The following GRIP1 variants were observed in gnomAD, a reference collection of about 807,000 sequenced individuals.
The protein encoded by GRIP1 is glutamate receptor interacting protein 1, also known as glutamate receptor-interacting protein 1.
A neutral mutation model predicts 129.9 loss-of-function variants in GRIP1; 45 were observed. The observed-to-expected ratio is 0.35, with a 90% CI of 0.27 to 0.44. The LOEUF is 0.44. Among genes scored for constraint, GRIP1 ranks in the 20% least tolerant of loss-of-function variants. The pLI is 1.00. For missense variants in GRIP1, 1,196 were observed against 1,396.8 expected (o/e 0.86, Z 2.29); for synonymous variants, 530 against 520.8 (o/e 1.02, Z -0.24).
At chr12:66,805,941 T>C (rs2038981270), upstream of GRIP1, among the ~76,000 whole-genome samples, 1 of 150,590 alleles carries the variant, frequency 6.6e-6, no homozygotes, top group African/African-American at 2.4e-5. Context: ...ATCTTTAAAT[T>C]AAAAAAATCA....
intron 13 of GRIP1, among the ~76,000 whole-genome samples, chr12:66,443,289 C>T (rs1375558381): frequency 1.3e-5 from 2 of 152,198 alleles, no homozygotes; most frequent in Admixed American, 6.5e-5. Flanking sequence ...TTGCCCCCCA[C>T]CTTTGATATT....
At chr12:66,792,607 T>C (rs1044686783) in intron 1 of GRIP1, among the ~76,000 whole-genome samples, 4 of 152,164 alleles carry the variant, frequency 2.6e-5, no homozygotes, top group East Asian at 1.9e-4. Flanking sequence ...GCCCAGGCTA[T>C]ATGGGACTAT....
chr12:66,463,087 G>A lies in GRIP1; in HGVS notation c.879C>T (p.Gly293=), dbSNP rs746461059. The A allele has an allele frequency of 2.5e-5, 40 of 1,613,368 alleles. No homozygotes were observed. Among genetic ancestry groups the A allele is most frequent in the Middle Eastern group, 1.6e-4 (1 of 6,082 alleles). ...IKSASIADRC[G]ALHVGDHILS... ...GGATGTGATCTCCCACATGCAATGC[G>A]CCACATCTACGGAAAGGAGAAATAC... Residue 293 remains glycine, a synonymous_variant, in exon 9 of 25, where the codon GGC becomes GGT. Transcript: ENST00000359742.
intron 2 of GRIP1, among the ~76,000 whole-genome samples, chr12:66,566,330 G>GA (rs1223332205): frequency 6.6e-6 from 1 of 152,050 alleles, no homozygotes; most frequent in Non-Finnish European, 1.5e-5. Context: ...TTAGCATGAA[G>GA]GTTGTTGAAT....
chr12:66,932,586 A>C (rs1566084012), intron 1 of GRIP1, among the ~76,000 whole-genome samples: 1 of 151,788 alleles, frequency 6.6e-6, no homozygotes, highest in East Asian at 1.9e-4. Context: ...AGTGAGCAGA[A>C]GGATAGGATT....
intron 1 of GRIP1, among the ~76,000 whole-genome samples, chr12:67,055,817 A>G (rs1244178259): frequency 6.6e-6 from 1 of 152,212 alleles, no homozygotes; most frequent in East Asian, 1.9e-4. Flanking sequence ...ACTGGGCCAC[A>G]CTTTGAGGAC....
intron 1 of GRIP1, among the ~76,000 whole-genome samples, chr12:66,912,276 A>G (rs1379029831): frequency 1.3e-5 from 2 of 152,170 alleles, no homozygotes; most frequent in African/African-American, 4.8e-5. Flanking sequence ...TCTATGAAAA[A>G]ATGTATCCAT....
chr12:67,034,729 G>A (rs961069204), intron 1 of GRIP1, among the ~76,000 whole-genome samples: 3 of 152,242 alleles, frequency 2.0e-5, no homozygotes, highest in East Asian at 1.9e-4. Flanking sequence ...CAACAAACAC[G>A]AGTAACCCAC....
chr12:66,351,689 C>T (rs1024946431), intron 24 of GRIP1, among the ~76,000 whole-genome samples: 12 of 151,046 alleles, frequency 7.9e-5, no homozygotes, highest in African/African-American at 2.7e-4. Flanking sequence ...AGCTGCTGTT[C>T]GATATAGGAG....
At chr12:67,058,435 T>A (rs953676837) in intron 1 of GRIP1, among the ~76,000 whole-genome samples, 2 of 152,206 alleles carry the variant, frequency 1.3e-5, no homozygotes, top group Admixed American at 6.5e-5. Context: ...ACAAGAAGTC[T>A]TGAGTACATG....
At chr12:66,825,557 T>C (rs201624117) in intron 1 of GRIP1, among the ~76,000 whole-genome samples, 1 of 152,148 alleles carries the variant, frequency 6.6e-6, no homozygotes, top group East Asian at 1.9e-4. Context: ...GCAAGGCACT[T>C]AACCTGTTTA....
chr12:66,617,405 A>G (rs2065089891), intron 1 of GRIP1, among the ~76,000 whole-genome samples: 1 of 151,904 alleles, frequency 6.6e-6, no homozygotes. Flanking sequence ...TACAAGAATG[A>G]TGTTTAATCA....
upstream of GRIP1, among the ~76,000 whole-genome samples, chr12:66,679,788 T>A (rs1438368791): frequency 6.6e-6 from 1 of 152,216 alleles, no homozygotes; most frequent in Non-Finnish European, 1.5e-5. Context: ...TACTTTATTA[T>A]ACTATTTCCC....
intron 1 of GRIP1, among the ~76,000 whole-genome samples, chr12:66,724,486 C>T (rs2136464102): frequency 6.6e-6 from 1 of 152,288 alleles, no homozygotes; most frequent in South Asian, 2.1e-4. Context: ...TACAACATTT[C>T]AGTGAAAAGT....
chr12:66,837,298 T>A (rs1481543228), intron 1 of GRIP1, among the ~76,000 whole-genome samples: 1 of 151,732 alleles, frequency 6.6e-6, no homozygotes, highest in African/African-American at 2.4e-5. Context: ...TAGAGAAGAG[T>A]TGCATTAACA....
intron 2 of GRIP1, among the ~76,000 whole-genome samples, chr12:66,546,585 T>C (rs533789692): frequency 6.6e-6 from 1 of 152,182 alleles, no homozygotes; most frequent in African/African-American, 2.4e-5. Flanking sequence ...CTCGCACAAA[T>C]ATGACATACT....
chr12:66,404,306 A>G (rs2057110524), intron 16 of GRIP1, among the ~76,000 whole-genome samples: 1 of 152,246 alleles, frequency 6.6e-6, no homozygotes, highest in African/African-American at 2.4e-5. Context: ...ATAGCCTGAC[A>G]TAACCGTGAA....
chr12:66,524,035 C>G (rs1166455578), intron 5 of GRIP1, among the ~76,000 whole-genome samples: 1 of 152,140 alleles, frequency 6.6e-6, no homozygotes, highest in Admixed American at 6.5e-5. Flanking sequence ...AAAGCAAGTC[C>G]TTAGTGACCT....
chr12:66,910,452 G>A (rs1297385890), intron 1 of GRIP1, among the ~76,000 whole-genome samples: 2 of 152,148 alleles, frequency 1.3e-5, no homozygotes, highest in Non-Finnish European at 2.9e-5. Flanking sequence ...TGAAGCCATG[G>A]TATGACCACC....
Sources: allele counts gnomAD v4.1 joint callset (sites outside exome capture counted in the v4.1 genomes callset), GRCh38; gene constraint gnomAD v4.1.1; transcripts MANE v1.5; gene names NCBI Gene and HGNC (gene_info 2026-07-23, HGNC 2026-07-21).